The following EYA1 variants were observed in gnomAD, a reference collection of about 807,000 sequenced individuals.
EYA1 encodes protein phosphatase EYA1.
EYA1 carries 16 observed loss-of-function variants against 82.0 expected under a neutral mutation model. The observed-to-expected ratio is 0.20, with a 90% confidence interval of 0.13 to 0.30. The LOEUF is 0.30. Among genes scored for constraint, EYA1 ranks in the 10% least tolerant of loss-of-function variants. The pLI is 1.00. For missense variants in EYA1, 633 were observed against 730.7 expected (o/e 0.87, Z 1.54); for synonymous variants, 261 against 264.4 (o/e 0.99, Z 0.12).
chr8:71,299,118 G>A lies in EYA1; in HGVS notation c.755C>T (p.Thr252Ile), dbSNP rs376238434. The A allele has an allele frequency of 1.6e-5, 26 of 1,614,034 alleles. No homozygotes were observed. The highest frequency in any genetic ancestry group is 2.0e-5 in the Non-Finnish European group (24 of 1,180,020). Residue 252 changes from threonine (T) to isoleucine (I), a missense_variant, in exon 9 of 18, where the codon ACC becomes ATC. By Grantham distance (89) the Thr-to-Ile change is moderately conservative. Coordinates refer to ENST00000340726, the MANE Select transcript of EYA1 (RefSeq NM_000503.6). ...TTCTTGAAGCTGGTAAGTGGCATTGGTGGATGGTGTCGTTGGGCTGGTGTT... is the reference window on the plus strand; with the variant it reads ...TTCTTGAAGCTGGTAAGTGGCATTGATGGATGGTGTCGTTGGGCTGGTGTT... ...SSNTSPTTPS[T>I]NATYQLQEPP...
Position 71,333,473 on chromosome 8 carries a change from G to C in EYA1, c.202+624C>G, listed in dbSNP as rs139381009. On this transcript the variant is annotated intron_variant, in intron 4 of 17. Transcript: ENST00000340726. ...TTTTTAAATGAAATATTCCAAACTG[G>C]GCTGGGTGACTTGGCAAACATATAA... Among the ~76,000 whole-genome samples the C allele has an allele frequency of 3.3e-5, 5 of 152,120 alleles. No homozygotes were observed. The East Asian group carries it at 9.7e-4, about 29-fold the overall frequency.
chr8:71,208,000 T>G (rs1291008640), intron 17 of EYA1, among the ~76,000 whole-genome samples: 2 of 152,226 alleles, frequency 1.3e-5, no homozygotes, highest in African/African-American at 4.8e-5. Flanking sequence ...TCTATGTGTA[T>G]TAAATTAGTA....
chr8:71,341,730 TTA>T (rs1825146838), intron 3 of EYA1, among the ~76,000 whole-genome samples: 1 of 152,172 alleles, frequency 6.6e-6, no homozygotes, highest in Non-Finnish European at 1.5e-5. Flanking sequence ...GTCATCTTCT[TTA>T]TCTTAAAGGA....
intron 2 of EYA1, among the ~76,000 whole-genome samples, chr8:71,394,235 G>A (rs982070277): frequency 6.6e-6 from 1 of 152,172 alleles, no homozygotes; most frequent in Non-Finnish European, 1.5e-5. Flanking sequence ...CTCCCATTCT[G>A]TAGGTTGCCT....
At chr8:71,201,207 A>G (rs1379894885) in intron 17 of EYA1, among the ~76,000 whole-genome samples, 1 of 150,050 alleles carries the variant, frequency 6.7e-6, no homozygotes, top group African/African-American at 2.5e-5. Context: ...CAGAGGTACT[A>G]CTATTACTAT....
Position 71,238,666 on chromosome 8 carries a change from T to G in EYA1, c.1140+5937A>C, listed in dbSNP as rs554695266. Among the ~76,000 whole-genome samples, 80 of 152,218 alleles carry G rather than the reference T, an allele frequency of 5.3e-4. No homozygotes were observed. The South Asian group carries it at 0.014, about 28-fold the overall frequency. ...ATTTGATTTTTGAATTCTATATTTC[T>G]TCATTTTTCTGAAGGCTGTTGTAAA... On this transcript the variant is annotated intron_variant, in intron 12 of 17. Transcript: ENST00000340726.
At chr8:71,346,281 C>A (rs1468507509) in intron 3 of EYA1, among the ~76,000 whole-genome samples, 1 of 151,652 alleles carries the variant, frequency 6.6e-6, no homozygotes, top group African/African-American at 2.4e-5. Context: ...TCTCTTTGGC[C>A]AGAATGGAGT....
chr8:71,269,695 T>A (rs760034580), intron 11 of EYA1, 45 bp downstream of exon 11: 16 of 1,346,278 alleles, frequency 1.2e-5, no homozygotes, highest in Non-Finnish European at 1.7e-5. Context: ...ATTAGAGGTA[T>A]ATTTACTCCA....
chr8:71,382,370 C>T (rs769885434), intron 2 of EYA1, among the ~76,000 whole-genome samples: 2 of 151,908 alleles, frequency 1.3e-5, no homozygotes, highest in African/African-American at 2.4e-5. Flanking sequence ...TCTCAAAATT[C>T]GCTACTTTAA....
In EYA1 at chr8:71,215,695, A is replaced by G; in HGVS notation, c.1394T>C (p.Leu465Pro). 1 of 1,614,142 alleles carries G rather than the reference A, an allele frequency of 6.2e-7. No individual in the cohort carries two copies. The highest frequency in any genetic ancestry group is 2.2e-5 in the East Asian group (1 of 44,866). Residue 465 changes from leucine (L) to proline (P), a missense_variant, in exon 15 of 18, where the codon CTG (leucine) becomes CCG (proline). Physicochemically the swap from Leu to Pro is moderately conservative, Grantham distance 98. Transcript: ENST00000340726. ...LLGPAKREAW[L>P]QLRAEIEALT... ...GGCTTCAATTTCGGCCCTCAACTGC[A>G]GCCAGGCTTCCCTCTTAGCTGGACC...
rs1321828079 is a variant in EYA1 at position 71,456,618 on chromosome 8, T to C, written c.33+79126A>G. Among the ~76,000 whole-genome samples, 13 of 151,938 alleles carry C rather than the reference T, an allele frequency of 8.6e-5. 1 individual carries two copies. The East Asian group carries it at 2.5e-3, about 29-fold the overall frequency. ...AATAATATCACACCATCTACAACCA[T>C]GTGATCTTTGACAAACCTGAAAAAA... On this transcript the variant is annotated intron_variant, in intron 2 of 18. Coordinates refer to the EYA1 transcript ENST00000643681.
At chr8:71,371,013 G>A (rs1298704357) in intron 2 of EYA1, among the ~76,000 whole-genome samples, 1 of 152,128 alleles carries the variant, frequency 6.6e-6, no homozygotes, top group Non-Finnish European at 1.5e-5. Flanking sequence ...TGAATCCTAA[G>A]TTGGCAGTAA....
At chr8:71,319,373 G>A (rs974560272) in intron 6 of EYA1, among the ~76,000 whole-genome samples, 4 of 151,920 alleles carry the variant, frequency 2.6e-5, no homozygotes, top group Admixed American at 6.6e-5. Context: ...CTCATGATCC[G>A]CCCGCCTCAG....
intron 2 of EYA1, among the ~76,000 whole-genome samples, chr8:71,481,787 G>A (rs1810183132): frequency 6.6e-6 from 1 of 152,146 alleles, no homozygotes; most frequent in African/African-American, 2.4e-5. Context: ...TGAAGCCAGG[G>A]CAATCACAGC....
At chr8:71,519,009 C>G (rs558737106) in intron 2 of EYA1, among the ~76,000 whole-genome samples, 2 of 152,198 alleles carry the variant, frequency 1.3e-5, no homozygotes, top group South Asian at 4.1e-4. Context: ...GCAGTATTTG[C>G]CATTTATATC....
At chr8:71,384,953 A>G (rs1828897081) in intron 2 of EYA1, among the ~76,000 whole-genome samples, 1 of 152,146 alleles carries the variant, frequency 6.6e-6, no homozygotes, top group African/African-American at 2.4e-5. Flanking sequence ...CAGGTACCAA[A>G]CCATGGCAAG....
At chr8:71,455,804 T>C (rs1455163660) in intron 2 of EYA1, among the ~76,000 whole-genome samples, 1 of 152,208 alleles carries the variant, frequency 6.6e-6, no homozygotes, top group Admixed American at 6.5e-5. Flanking sequence ...GATGTCATAC[T>C]GAATGGGCAA....
upstream of EYA1, among the ~76,000 whole-genome samples, chr8:71,362,694 A>G (rs955855407): frequency 1.3e-5 from 2 of 152,240 alleles, no homozygotes; most frequent in Non-Finnish European, 2.9e-5. Context: ...TTCCTTGGCT[A>G]TGAACCAGAT....
chr8:71,486,497 G>A (rs560158929), intron 2 of EYA1, among the ~76,000 whole-genome samples: 133 of 152,318 alleles, frequency 8.7e-4, no homozygotes, highest in Middle Eastern at 6.8e-3. Context: ...GCCCAGTCGT[G>A]CCTCCTCTTG....
Sources: allele counts gnomAD v4.1 joint callset (sites outside exome capture counted in the v4.1 genomes callset), GRCh38; gene constraint gnomAD v4.1.1; transcripts MANE v1.5; gene names NCBI Gene and HGNC (gene_info 2026-07-23, HGNC 2026-07-21).